LRRK1: variants seen among roughly 807,000 people sequenced by gnomAD.
LRRK1 encodes the protein leucine-rich repeat serine/threonine-protein kinase 1.
A neutral mutation model predicts 209.1 loss-of-function variants in LRRK1; 113 were observed. The ratio of observed to expected loss-of-function variants is 0.54; its 90% CI spans 0.46 to 0.63. LRRK1 has a LOEUF of 0.63. Ranked by LOEUF, LRRK1 falls within the 30% of genes least tolerant of loss-of-function variation. The probability of loss-of-function intolerance (pLI) is 0.00; values close to 1 mark genes in which losing one functional copy is unlikely to be tolerated. For missense variants in LRRK1, 2,284 were observed against 2,632.2 expected, an observed-to-expected ratio of 0.87 and a Z score of 2.89; for synonymous variants, 1,144 against 1,099.7, an observed-to-expected ratio of 1.04 and a Z score of -0.80.
intron 6 of LRRK1, among the ~76,000 whole-genome samples, chr15:100,997,182 T>C (rs1257310103): frequency 6.6e-6 from 1 of 152,130 alleles, no homozygotes; most frequent in African/African-American, 2.4e-5. Flanking sequence ...TCTAAACATA[T>C]ATGAAGATAT....
At chr15:100,999,535 G>A (rs1337019390) in intron 6 of LRRK1, among the ~76,000 whole-genome samples, 4 of 152,146 alleles carry the variant, frequency 2.6e-5, no homozygotes, top group South Asian at 4.1e-4. Flanking sequence ...ATCCATGTGC[G>A]TACATGTAAT....
intron 20 of LRRK1, among the ~76,000 whole-genome samples, chr15:101,042,844 TC>T (rs997005320): frequency 7.2e-5 from 11 of 152,358 alleles, no homozygotes; most frequent in African/African-American, 2.6e-4. Context: ...GCTTCTTCTT[TC>T]CTCCTACTCT....
intron 3 of LRRK1, among the ~76,000 whole-genome samples, chr15:100,979,940 T>A (rs2031507522): frequency 6.6e-6 from 1 of 152,132 alleles, no homozygotes; most frequent in South Asian, 2.1e-4. Context: ...AAATTCAGAT[T>A]GGGATGCAGA....
At position 101,027,515 on chromosome 15, in the gene LRRK1, G is replaced by T. The variant is rs565452978; in HGVS notation, c.2527-123G>T. 3.3e-6 allele frequency: 5 copies of T among 1,503,930 alleles called. No homozygotes were observed. In the South Asian group the frequency reaches 6.4e-5, roughly 19 times the overall value. The allele number at this position is 1,503,930 out of a possible 1,614,324, so 93.2% of individuals were successfully genotyped here. A position where few individuals can be genotyped will look rare whatever the true frequency, so the allele number is the denominator to read the frequency against. On this transcript the variant is annotated intron_variant, in intron 18 of 33. Coordinates refer to ENST00000388948, the MANE Select transcript of LRRK1 (RefSeq NM_024652.6). This position sits in a 1 kb window ranked among gnomAD's most constrained non-coding sequence, Gnocchi z 5.1. Reference sequence around the variant, plus strand: ...GTGGTTCCTGGTGAGGGAGGGTCAGGATGGAAGATAGTGGGTGGAAACGTC... The same window carrying T: ...GTGGTTCCTGGTGAGGGAGGGTCAGTATGGAAGATAGTGGGTGGAAACGTC...
At chr15:101,015,192 G>T in intron 11 of LRRK1, 134 bp from the exon 12 acceptor site, 1 of 676,956 alleles carries the variant, frequency 1.5e-6, no homozygotes, top group Non-Finnish European at 2.6e-6. Context: ...ACTGCAGCGT[G>T]CGCCCCTGCC....
intron 2 of LRRK1, among the ~76,000 whole-genome samples, chr15:100,968,510 G>C (rs563130824): frequency 1.0e-3 from 158 of 152,268 alleles, no homozygotes; most frequent in Non-Finnish European, 1.9e-3. Flanking sequence ...TGGCCTTACA[G>C]TTTTAGCCAT....
chr15:100,950,891 C>T (rs931744401), intron 2 of LRRK1, among the ~76,000 whole-genome samples: 9 of 152,172 alleles, frequency 5.9e-5, no homozygotes, highest in Non-Finnish European at 1.2e-4. Context: ...ATCACGAGGT[C>T]AGGAGATCGA....
chr15:100,972,938 C>CACACACACACACACA (rs1555462750), intron 2 of LRRK1, among the ~76,000 whole-genome samples: 1 of 57,142 alleles, frequency 1.8e-5, no homozygotes, highest in African/African-American at 5.9e-5. Context: ...ACACACACAC[C>CACACACACACACACA]CAGTTTTGTG....
intron 13 of LRRK1, among the ~76,000 whole-genome samples, chr15:101,021,551 G>A (rs575674431): frequency 2.6e-5 from 4 of 152,094 alleles, no homozygotes; most frequent in African/African-American, 9.7e-5. Context: ...TCGCCTTCTC[G>A]GGAAGAGGTA....
intron 21 of LRRK1, among the ~76,000 whole-genome samples, chr15:101,046,643 C>G (rs1339907401): frequency 6.6e-6 from 1 of 152,226 alleles, no homozygotes; most frequent in African/African-American, 2.4e-5. Flanking sequence ...AGACCACACT[C>G]CAGACCGATT....
chr15:101,049,120 T>G (rs1041548079), intron 22 of LRRK1, among the ~76,000 whole-genome samples: 1 of 152,146 alleles, frequency 6.6e-6, no homozygotes. Flanking sequence ...TTATTCTTGG[T>G]TTTTTGAGAG....
chr15:101,008,519 G>A (rs923041576), intron 6 of LRRK1, among the ~76,000 whole-genome samples: 1 of 152,216 alleles, frequency 6.6e-6, no homozygotes, highest in Non-Finnish European at 1.5e-5. Flanking sequence ...ATCCCGCCGC[G>A]CTCTTCCCTG....
intron 6 of LRRK1, among the ~76,000 whole-genome samples, chr15:100,997,894 T>A (rs1461908561): frequency 1.3e-5 from 2 of 152,234 alleles, no homozygotes; most frequent in East Asian, 3.9e-4. Flanking sequence ...GAAACCAACA[T>A]GTCTGCTGGG....
intron 2 of LRRK1, among the ~76,000 whole-genome samples, chr15:100,972,699 C>T (rs892701402): frequency 6.6e-6 from 1 of 152,068 alleles, no homozygotes; most frequent in Non-Finnish European, 1.5e-5. Context: ...TTCTCAGCTC[C>T]GTTTTAGTTG....
At chr15:100,972,351 A>T (rs1489628349) in intron 2 of LRRK1, among the ~76,000 whole-genome samples, 5 of 133,598 alleles carry the variant, frequency 3.7e-5, no homozygotes, top group Admixed American at 1.4e-4. Flanking sequence ...AGAGAGAGAG[A>T]GAGAGAGAGA....
At chr15:101,046,773 G>A (rs138537163) in intron 21 of LRRK1, among the ~76,000 whole-genome samples, 1,806 of 152,322 alleles carry the variant, frequency 0.012, 31 homozygotes, top group Middle Eastern at 0.031. Flanking sequence ...AGAACTGTAC[G>A]TTGGTTCTGG....
In LRRK1 at chr15:101,028,989, T is replaced by C. The variant is rs770680533; in HGVS notation, c.2720T>C (p.Leu907Pro). Residue 907 changes from leucine to proline, a missense_variant, in exon 20 of 34, where the codon CTC becomes CCC. By Grantham distance (98) the Leu-to-Pro change is moderately conservative. Coordinates refer to ENST00000388948, the MANE Select transcript of LRRK1 (RefSeq NM_024652.6). Reference protein sequence around the residue: ...ISFLIETGTLLHFPDTSHGLR... With the variant: ...ISFLIETGTLPHFPDTSHGLR... ...TTCCTCATAGAAACCGGCACCCTGC[T>C]CCATTTCCCGGACACCAGCCACGGC... 1 of 1,614,022 alleles carries C rather than the reference T, an allele frequency of 6.2e-7. No individual in the cohort carries two copies. The highest frequency in any genetic ancestry group is 8.5e-7 in the Non-Finnish European group (1 of 1,180,026).
chr15:100,979,164 GA>G (rs1173426000), intron 3 of LRRK1, among the ~76,000 whole-genome samples: 2 of 151,984 alleles, frequency 1.3e-5, no homozygotes, highest in Non-Finnish European at 2.9e-5. Flanking sequence ...AATTGATACA[GA>G]AAAAAATTGA....
Position 100,938,265 on chromosome 15 carries a change from C to T in LRRK1, c.97+13536C>T, listed in dbSNP as rs150598395. 3.5e-3 allele frequency among the ~76,000 whole-genome samples: 505 copies of T among 146,218 alleles called. 5 individuals carry two copies. Among genetic ancestry groups the T allele is most frequent in the African/African-American group, 0.01 (376 of 35,896 alleles). On this transcript the variant is annotated intron_variant, in intron 2 of 33. Transcript: ENST00000388948. The stretch of plus-strand genomic sequence containing the variant: ...CATTACCCAATTTCAGTAATTATCA[C>T]ACATGGGCAATCTTTTTTTTAACCC...
Sources: gnomAD v4.1 joint callset for allele counts (sites outside exome capture counted in the v4.1 genomes callset) on GRCh38, gnomAD v4.1.1 for gene constraint, Gnocchi (gnomAD v3.1) non-coding constraint, MANE v1.5 for transcripts, NCBI Gene and HGNC (gene_info 2026-07-23, HGNC 2026-07-21) for gene names.